GPC5: variants seen among roughly 807,000 people sequenced by gnomAD.
GPC5 encodes glypican 5.
A neutral mutation model predicts 53.9 loss-of-function variants in GPC5; 47 were observed. The ratio of observed to expected loss-of-function variants is 0.87; its 90% CI spans 0.69 to 1.11. The LOEUF is 1.11. Ranked by LOEUF, GPC5 falls within the 50% of genes most tolerant of loss-of-function variation. GPC5 has a pLI of 0.00. For missense variants in GPC5, 748 were observed against 713.1 expected, an observed-to-expected ratio of 1.05 and a Z score of -0.56; for synonymous variants, 286 against 263.3, an observed-to-expected ratio of 1.09 and a Z score of -0.84.
chr13:92,450,289 A>G (rs1050552938), intron 7 of GPC5, among the ~76,000 whole-genome samples: 1 of 152,198 alleles, frequency 6.6e-6, no homozygotes, highest in African/African-American at 2.4e-5. Flanking sequence ...CATATGTTAG[A>G]TTGATGCAGA....
At chr13:92,780,659 G>GCA (rs1239275120) in intron 7 of GPC5, among the ~76,000 whole-genome samples, 2 of 150,784 alleles carry the variant, frequency 1.3e-5, no homozygotes, top group African/African-American at 4.9e-5. Flanking sequence ...TTAGAAGATT[G>GCA]GTGCCCTCTT....
Position 92,821,395 on chromosome 13 carries a change from G to A in GPC5, c.1562-44887G>A, listed in dbSNP as rs115026325. Among the ~76,000 whole-genome samples, 732 of 152,044 alleles carry A rather than the reference G, an allele frequency of 4.8e-3. 5 individuals carry two copies. The highest frequency in any genetic ancestry group is 0.017 in the African/African-American group (710 of 41,466). ...CAATTCATAATCATGTGTATACTTC[G>A]CAAGTCAACATATTCATCTCAATGG... On this transcript the variant is annotated intron_variant, in intron 7 of 7. Transcript: ENST00000377067.
At chr13:91,933,289 T>C (rs2039838903) in intron 6 of GPC5, among the ~76,000 whole-genome samples, 1 of 151,986 alleles carries the variant, frequency 6.6e-6, no homozygotes, top group South Asian at 2.1e-4. Context: ...TTCCTACTGT[T>C]GTTTTAACAT....
chr13:91,513,576 A>T (rs1885346205), intron 2 of GPC5, among the ~76,000 whole-genome samples: 1 of 152,062 alleles, frequency 6.6e-6, no homozygotes, highest in Admixed American at 6.6e-5. Flanking sequence ...CCCTGTCTCT[A>T]CTAAAAATAC....
At chr13:92,389,988 T>A (rs1874918844) in intron 7 of GPC5, among the ~76,000 whole-genome samples, 1 of 152,146 alleles carries the variant, frequency 6.6e-6, no homozygotes, top group South Asian at 2.1e-4. Context: ...GGCACTATGG[T>A]AATATATTTA....
At chr13:91,483,919 T>C (rs1021250357) in intron 2 of GPC5, among the ~76,000 whole-genome samples, 5 of 152,176 alleles carry the variant, frequency 3.3e-5, no homozygotes, top group African/African-American at 1.2e-4. Flanking sequence ...CTATGAATAA[T>C]GTTAAGTGGA....
intron 7 of GPC5, among the ~76,000 whole-genome samples, chr13:92,465,296 AT>A: frequency 6.6e-6 from 1 of 151,894 alleles, no homozygotes; most frequent in East Asian, 1.9e-4. Context: ...GCTATCCAAA[AT>A]TCAAGAAATT....
intron 7 of GPC5, among the ~76,000 whole-genome samples, chr13:92,704,624 G>A (rs1887879234): frequency 6.6e-6 from 1 of 151,662 alleles, no homozygotes; most frequent in Non-Finnish European, 1.5e-5. Flanking sequence ...TACAAATGAT[G>A]ACCTATTGGT....
At chr13:92,691,490 G>A (rs936134073) in intron 7 of GPC5, among the ~76,000 whole-genome samples, 3 of 150,230 alleles carry the variant, frequency 2.0e-5, no homozygotes, top group Admixed American at 6.7e-5. Context: ...AGATGAACCC[G>A]GTACCTCAGA....
chr13:91,728,636 C>G lies in GPC5; in HGVS notation c.1125C>G (p.Asn375Lys), dbSNP rs1174121750. Reference protein sequence around the residue: ...EKHGMKTTTRNSEETLANRRK... With the variant: ...EKHGMKTTTRKSEETLANRRK... The stretch of plus-strand genomic sequence containing the variant: ...ATGGAATGAAGACCACCACAAGGAA[C>G]AGTGAAGAGACGCTTGCCAACAGAA... The change falls in exon 4 of 8, where the codon AAC becomes AAG. Residue 375 changes from asparagine (N) to lysine (K), a missense_variant. Transcript: ENST00000377067. 6.2e-7 allele frequency: 1 copy of G among 1,612,326 alleles called. No homozygotes were observed. Among genetic ancestry groups the G allele is most frequent in the African/African-American group, 1.3e-5 (1 of 74,804 alleles).
chr13:91,684,502 A>G (rs1594426591), intron 2 of GPC5, among the ~76,000 whole-genome samples: 1 of 152,198 alleles, frequency 6.6e-6, no homozygotes, highest in Non-Finnish European at 1.5e-5. Flanking sequence ...TCCTTCATTT[A>G]TCCATTTCCT....
At chr13:92,616,259 T>A (rs1302403708) in intron 7 of GPC5, among the ~76,000 whole-genome samples, 1 of 152,236 alleles carries the variant, frequency 6.6e-6, no homozygotes, top group Non-Finnish European at 1.5e-5. Context: ...GGCATTTTAA[T>A]ATAAAAATTT....
At chr13:91,717,983 T>G (rs2139945761) in intron 3 of GPC5, among the ~76,000 whole-genome samples, 1 of 152,336 alleles carries the variant, frequency 6.6e-6, no homozygotes, top group South Asian at 2.1e-4. Context: ...CTAGTTATTA[T>G]TTTTAAAAAA....
At chr13:92,540,458 T>C (rs1414408158) in intron 7 of GPC5, among the ~76,000 whole-genome samples, 1 of 151,958 alleles carries the variant, frequency 6.6e-6, no homozygotes, top group Non-Finnish European at 1.5e-5. Context: ...TGATAGGGGA[T>C]ACAAGTTATT....
chr13:91,559,486 A>G (rs1316192273), intron 2 of GPC5, among the ~76,000 whole-genome samples: 2 of 152,118 alleles, frequency 1.3e-5, no homozygotes, highest in Non-Finnish European at 2.9e-5. Flanking sequence ...AAACAAAATT[A>G]AATTGCTTTT....
chr13:91,649,765 G>A (rs112273781), intron 2 of GPC5, among the ~76,000 whole-genome samples: 14 of 152,182 alleles, frequency 9.2e-5, no homozygotes, highest in African/African-American at 2.6e-4. Context: ...TCACCCCAGT[G>A]CCCTTCTCAA....
At chr13:91,562,050 C>G (rs1296148238) in intron 2 of GPC5, among the ~76,000 whole-genome samples, 1 of 151,980 alleles carries the variant, frequency 6.6e-6, no homozygotes, top group Admixed American at 6.6e-5. Context: ...AATAATATCT[C>G]TATTCCTCCT....
At chr13:92,486,928 T>C (rs886510179) in intron 7 of GPC5, among the ~76,000 whole-genome samples, 1 of 151,914 alleles carries the variant, frequency 6.6e-6, no homozygotes. Context: ...TTATCTCGGC[T>C]CACTGTAAAT....
intron 7 of GPC5, among the ~76,000 whole-genome samples, chr13:92,612,520 A>G (rs969373097): frequency 4.6e-5 from 7 of 152,112 alleles, no homozygotes; most frequent in Admixed American, 3.9e-4. Context: ...GAGAAAAACT[A>G]TAACATCACA....
Sources: allele counts gnomAD v4.1 joint callset (sites outside exome capture counted in the v4.1 genomes callset), GRCh38; gene constraint gnomAD v4.1.1; transcripts MANE v1.5; gene names NCBI Gene and HGNC (gene_info 2026-07-23, HGNC 2026-07-21).